VRK2: variants seen among roughly 807,000 people sequenced by gnomAD.
VRK2 encodes serine/threonine-protein kinase VRK2.
VRK2 carries 60 observed loss-of-function variants against 57.6 expected under a neutral mutation model. The ratio of observed to expected loss-of-function variants is 1.04; its 90% CI spans 0.85 to 1.29. The LOEUF is 1.29. VRK2 is among the 50% of genes most tolerant of loss of function. The pLI is 0.00. For missense variants in VRK2, 705 were observed against 588.1 expected (o/e 1.20, Z -2.06); for synonymous variants, 231 against 199.2 (o/e 1.16, Z -1.35).
At chr2:58,101,234 A>G (rs936769694) in intron 7 of VRK2, among the ~76,000 whole-genome samples, 1 of 151,738 alleles carries the variant, frequency 6.6e-6, no homozygotes, top group African/African-American at 2.4e-5. Context: ...CCTGCAGAAC[A>G]ATGTGATTTT....
At chr2:58,113,751 G>T (rs1441341038) in intron 7 of VRK2, among the ~76,000 whole-genome samples, 1 of 152,118 alleles carries the variant, frequency 6.6e-6, no homozygotes, top group African/African-American at 2.4e-5. Context: ...CAGTTAAGGC[G>T]GGGCAGGGCC....
chr2:58,137,725 T>G (rs1680745892), intron 10 of VRK2, among the ~76,000 whole-genome samples: 1 of 152,140 alleles, frequency 6.6e-6, no homozygotes, highest in Non-Finnish European at 1.5e-5. Flanking sequence ...TTCAAAAGTT[T>G]CTATCTCTTG....
upstream of VRK2, among the ~76,000 whole-genome samples, chr2:58,043,904 A>G (rs1387277165): frequency 6.6e-6 from 1 of 152,168 alleles, no homozygotes; most frequent in Non-Finnish European, 1.5e-5. Flanking sequence ...GAAAAGCAAA[A>G]GTTTTTCATT....
At chr2:58,123,853 G>GAAA (rs74271857) in intron 8 of VRK2, among the ~76,000 whole-genome samples, 1 of 134,968 alleles carries the variant, frequency 7.4e-6, no homozygotes, top group Non-Finnish European at 1.6e-5. Context: ...AGACCCCTCA[G>GAAA]AAAAAAAAAA....
At chr2:58,047,166 C>G in intron 1 of VRK2, 1 of 298,672 alleles carries the variant, frequency 3.3e-6, no homozygotes, top group Non-Finnish European at 4.9e-6. Flanking sequence ...GCAGAGAGAA[C>G]TTGTGGCGGG....
intron 7 of VRK2, among the ~76,000 whole-genome samples, chr2:58,093,922 A>C (rs1054962000): frequency 5.9e-5 from 9 of 152,186 alleles, no homozygotes; most frequent in African/African-American, 2.2e-4. Flanking sequence ...TAAATAGGGA[A>C]TCCTTTCCCC....
rs551174918 is a variant in VRK2 at position 57,929,933 on chromosome 2, G to C, written c.-439+22094G>C. Among the ~76,000 whole-genome samples the C allele has an allele frequency of 2.0e-5, 3 of 152,162 alleles. No homozygotes were observed. In the South Asian group the frequency reaches 6.2e-4, roughly 32 times the overall value. The stretch of plus-strand genomic sequence containing the variant: ...CCTACTGCAGCTGAGCTAGTATCCA[G>C]CTTGCAAGGCAAAGTCTTCTTTACT... On this transcript the variant is annotated intron_variant, in intron 1 of 15. Transcript: ENST00000417641.
At chr2:58,074,017 C>T (rs1006726666) in intron 2 of VRK2, among the ~76,000 whole-genome samples, 1 of 151,986 alleles carries the variant, frequency 6.6e-6, no homozygotes, top group Non-Finnish European at 1.5e-5. Context: ...AGACAGGTCC[C>T]GGATAAATAC....
chr2:57,955,937 T>TAACA (rs1215338028), intron 1 of VRK2, among the ~76,000 whole-genome samples: 1 of 152,166 alleles, frequency 6.6e-6, no homozygotes, highest in Non-Finnish European at 1.5e-5. Flanking sequence ...AAATAAGGGT[T>TAACA]AACAAACAAA....
At chr2:58,068,715 C>G (rs1668959355) in intron 2 of VRK2, among the ~76,000 whole-genome samples, 1 of 149,842 alleles carries the variant, frequency 6.7e-6, no homozygotes, top group African/African-American at 2.4e-5. Context: ...TAGTTTATCT[C>G]TCTGTTGTTT....
intron 1 of VRK2, among the ~76,000 whole-genome samples, chr2:57,996,291 C>T (rs1439338801): frequency 6.6e-6 from 1 of 152,172 alleles, no homozygotes; most frequent in Non-Finnish European, 1.5e-5. Flanking sequence ...AGTTCACATA[C>T]TCCCTGAAAT....
At chr2:58,051,584 C>A (rs933201517) in intron 2 of VRK2, among the ~76,000 whole-genome samples, 6 of 152,130 alleles carry the variant, frequency 3.9e-5, no homozygotes, top group Non-Finnish European at 7.4e-5. Flanking sequence ...ACTTTTGTGT[C>A]CAGTGACATT....
At chr2:58,050,458 G>T (rs866815058) in intron 2 of VRK2, among the ~76,000 whole-genome samples, 4 of 152,280 alleles carry the variant, frequency 2.6e-5, no homozygotes, top group Middle Eastern at 3.4e-3. Flanking sequence ...CTAGTATACT[G>T]TCTTGACTCA....
chr2:58,124,144 T>G (rs1180472913), intron 8 of VRK2, among the ~76,000 whole-genome samples: 1 of 151,856 alleles, frequency 6.6e-6, no homozygotes, highest in Non-Finnish European at 1.5e-5. Context: ...AATTCCCTAA[T>G]TAGTTAAAGT....
intron 12 of VRK2, among the ~76,000 whole-genome samples, chr2:58,155,477 TAC>T (rs1432620144): frequency 6.6e-6 from 1 of 150,388 alleles, no homozygotes; most frequent in Non-Finnish European, 1.5e-5. Context: ...GGCTCTGCCT[TAC>T]AGTTTTGGTA....
At chr2:57,970,267 T>G (rs1417044769) in intron 1 of VRK2, among the ~76,000 whole-genome samples, 1 of 150,658 alleles carries the variant, frequency 6.6e-6, no homozygotes, top group Non-Finnish European at 1.5e-5. Flanking sequence ...TATATGAGAC[T>G]ATTGTATGTT....
intron 7 of VRK2, among the ~76,000 whole-genome samples, chr2:58,092,755 C>T (rs1009097293): frequency 3.9e-5 from 6 of 152,104 alleles, no homozygotes; most frequent in African/African-American, 1.4e-4. Flanking sequence ...TGTTGGTGTG[C>T]TGCGCCCATG....
At chr2:58,035,413 G>A (rs1339656903) in intron 3 of VRK2, among the ~76,000 whole-genome samples, 1 of 151,814 alleles carries the variant, frequency 6.6e-6, no homozygotes, top group African/African-American at 2.4e-5. Flanking sequence ...TTATGAGTTG[G>A]AACTGGATTC....
intron 1 of VRK2, among the ~76,000 whole-genome samples, chr2:57,968,394 A>G (rs972330234): frequency 1.3e-5 from 2 of 152,100 alleles, no homozygotes; most frequent in Admixed American, 1.3e-4. Flanking sequence ...GAGGCTCACT[A>G]TGACTTAGGA....
Sources: allele counts gnomAD v4.1 joint callset (sites outside exome capture counted in the v4.1 genomes callset), GRCh38; gene constraint gnomAD v4.1.1; transcripts MANE v1.5; gene names NCBI Gene and HGNC (gene_info 2026-07-23, HGNC 2026-07-21).